The following IL1RAPL1 variants were observed in gnomAD, a reference collection of about 807,000 sequenced individuals.
IL1RAPL1 encodes interleukin-1 receptor accessory protein-like 1.
A neutral mutation model predicts 48.4 loss-of-function variants in IL1RAPL1; 3 were observed. That is an observed-to-expected ratio of 0.06 (90% CI 0.03 to 0.16). The LOEUF (loss-of-function observed/expected upper bound fraction) is 0.16. Ranked by LOEUF, IL1RAPL1 falls within the 10% of genes least tolerant of loss-of-function variation. The pLI, the probability that IL1RAPL1 is intolerant of heterozygous loss-of-function variation, is 1.00. For synonymous variants in IL1RAPL1, 185 were observed against 187.7 expected, an observed-to-expected ratio of 0.99 and a Z score of 0.12; for missense variants, 349 against 530.6, an observed-to-expected ratio of 0.66 and a Z score of 3.36.
chrX:29,522,046 A>G (rs934752718), intron 5 of IL1RAPL1, among the ~76,000 whole-genome samples: 2 of 112,200 alleles, frequency 1.8e-5, no homozygotes, highest in African/African-American at 3.2e-5. Flanking sequence ...TTACAGCTCT[A>G]TTATGTCTGT....
intron 5 of IL1RAPL1, among the ~76,000 whole-genome samples, chrX:29,523,017 T>C (rs1183877022): frequency 9.0e-6 from 1 of 111,607 alleles, no homozygotes; most frequent in African/African-American, 3.3e-5. Flanking sequence ...GTGTTTATAC[T>C]ATTATAACTT....
intron 1 of IL1RAPL1, among the ~76,000 whole-genome samples, chrX:28,694,676 T>C (rs1315035555): frequency 8.9e-6 from 1 of 112,133 alleles, no homozygotes; most frequent in East Asian, 2.8e-4. Flanking sequence ...CATAAATGGG[T>C]TGCAGCTCAT....
At chrX:29,893,343 G>A (rs929081878) in intron 6 of IL1RAPL1, among the ~76,000 whole-genome samples, 7 of 110,981 alleles carry the variant, frequency 6.3e-5, no homozygotes, top group Non-Finnish European at 1.1e-4. Flanking sequence ...GCCTAAATTC[G>A]AGCCACCGCA....
intron 1 of IL1RAPL1, among the ~76,000 whole-genome samples, chrX:28,588,563 C>A (rs1304983921): frequency 8.9e-6 from 1 of 112,205 alleles, no homozygotes; most frequent in Non-Finnish European, 1.9e-5. Context: ...CCAGGGACAT[C>A]CCACTTGTCA....
At chrX:29,334,347 T>C (rs75120853) in intron 3 of IL1RAPL1, among the ~76,000 whole-genome samples, 6 of 82,918 alleles carry the variant, frequency 7.2e-5, no homozygotes, top group East Asian at 4.4e-4. Context: ...ACCTCCCTCC[T>C]GGACGGGGCG....
At chrX:29,524,793 A>T (rs1490804570) in intron 5 of IL1RAPL1, among the ~76,000 whole-genome samples, 1 of 112,429 alleles carries the variant, frequency 8.9e-6, no homozygotes, top group East Asian at 2.8e-4. Context: ...TTAACACTGA[A>T]CGAAAGTGTC....
At chrX:29,615,544 A>C (rs753645857) in intron 5 of IL1RAPL1, among the ~76,000 whole-genome samples, 1 of 111,179 alleles carries the variant, frequency 9.0e-6, no homozygotes, top group Non-Finnish European at 1.9e-5. Flanking sequence ...AAAGGCTTTC[A>C]ACAATTCTTG....
intron 2 of IL1RAPL1, among the ~76,000 whole-genome samples, chrX:29,127,573 A>G (rs185842541): frequency 7.2e-4 from 81 of 112,015 alleles, no homozygotes; most frequent in African/African-American, 2.5e-3. Flanking sequence ...TCACAAATAT[A>G]AATCACCAGC....
chrX:29,359,786 G>C (rs1165244751), intron 3 of IL1RAPL1, among the ~76,000 whole-genome samples: 1 of 111,520 alleles, frequency 9.0e-6, no homozygotes, highest in African/African-American at 3.3e-5. Context: ...ATAGCAGTAA[G>C]GTGCATACTC....
rs767066563 is a variant in IL1RAPL1 at position 29,286,937 on chromosome X, T to C, written c.362+3720T>C. ...AGTTGCAAGACATAACGTAGAGAGA[T>C]GCCATACCCAGATTTGCTCGGTGGT... On this transcript the variant is annotated intron_variant, in intron 3 of 10. Transcript: ENST00000378993. 2.7e-5 allele frequency among the ~76,000 whole-genome samples: 3 copies of C among 110,529 alleles called. No individual in the cohort carries two copies. The East Asian group carries it at 8.5e-4, about 31-fold the overall frequency.
chrX:29,058,948 G>A (rs761857812), intron 2 of IL1RAPL1, among the ~76,000 whole-genome samples: 2 of 111,971 alleles, frequency 1.8e-5, no homozygotes, highest in South Asian at 3.7e-4. Flanking sequence ...GGATATGTTC[G>A]ATTAAGAGAA....
chrX:29,183,297 A>G (rs749589869), intron 2 of IL1RAPL1, among the ~76,000 whole-genome samples: 1 of 111,438 alleles, frequency 9.0e-6, no homozygotes, highest in African/African-American at 3.3e-5. Context: ...CGCTCTGATC[A>G]TCTCCCATCT....
chrX:29,897,155 G>A (rs1199697851), intron 6 of IL1RAPL1, among the ~76,000 whole-genome samples: 2 of 112,335 alleles, frequency 1.8e-5, no homozygotes, highest in African/African-American at 6.5e-5. Flanking sequence ...ATCTGAGGGT[G>A]GGACCATGAA....
intron 6 of IL1RAPL1, among the ~76,000 whole-genome samples, chrX:29,822,373 A>C (rs1470977528): frequency 9.0e-6 from 1 of 111,372 alleles, no homozygotes; most frequent in Admixed American, 9.6e-5. Flanking sequence ...TAATGAGGTT[A>C]TTAAAATAAT....
intron 3 of IL1RAPL1, among the ~76,000 whole-genome samples, chrX:29,310,355 CAAAG>C (rs1811938029): frequency 9.1e-6 from 1 of 109,747 alleles, no homozygotes; most frequent in East Asian, 2.8e-4. Flanking sequence ...AAGCAGAAAT[CAAAG>C]AAGCTGAAAC....
At chrX:29,043,792 A>G (rs190914745) in intron 2 of IL1RAPL1, among the ~76,000 whole-genome samples, 16 of 111,734 alleles carry the variant, frequency 1.4e-4, no homozygotes, top group Admixed American at 2.9e-4. Context: ...TAACTATTCA[A>G]TGTGACGTGC....
At chrX:29,745,102 A>T (rs1469969156) in intron 6 of IL1RAPL1, among the ~76,000 whole-genome samples, 1 of 111,970 alleles carries the variant, frequency 8.9e-6, no homozygotes, top group Non-Finnish European at 1.9e-5. Context: ...ATTTCCTTTT[A>T]AAAATCTTAA....
chrX:29,396,043 C>A, intron 3 of IL1RAPL1, among the ~76,000 whole-genome samples: 1 of 112,171 alleles, frequency 8.9e-6, no homozygotes. Flanking sequence ...TTTTCTCTGG[C>A]AAATAAAAAC....
intron 3 of IL1RAPL1, among the ~76,000 whole-genome samples, chrX:29,294,557 T>G (rs1303859155): frequency 1.8e-5 from 2 of 109,872 alleles, no homozygotes; most frequent in African/African-American, 6.6e-5. Flanking sequence ...AAATTTTAGA[T>G]TTTTCAAGCC....
Sources: gnomAD v4.1 joint callset for allele counts (sites outside exome capture counted in the v4.1 genomes callset) on GRCh38, gnomAD v4.1.1 for gene constraint, MANE v1.5 for transcripts, NCBI Gene and HGNC (gene_info 2026-07-23, HGNC 2026-07-21) for gene names.